The following EXT1 variants were observed in gnomAD, a reference collection of about 807,000 sequenced individuals.
The protein encoded by EXT1 is exostosin glycosyltransferase 1.
In EXT1, 20 loss-of-function variants were observed where a neutral mutation model predicts 82.5. The observed-to-expected ratio is 0.24, with a 90% CI of 0.17 to 0.35. The LOEUF (loss-of-function observed/expected upper bound fraction) is 0.35, where lower values mean the gene tolerates loss of function less well. Ranked by LOEUF, EXT1 falls within the 10% of genes least tolerant of loss-of-function variation. The pLI, the probability that EXT1 is intolerant of heterozygous loss-of-function variation, is 1.00. For missense variants in EXT1, 757 were observed against 936.5 expected (o/e 0.81, Z 2.50); for synonymous variants, 348 against 350.8 (o/e 0.99, Z 0.09).
At chr8:118,024,954 C>G (rs1229709028) in intron 1 of EXT1, among the ~76,000 whole-genome samples, 1 of 152,262 alleles carries the variant, frequency 6.6e-6, no homozygotes, top group East Asian at 1.9e-4. Context: ...TCTTGATATT[C>G]GCATGTCTGT....
At chr8:118,071,239 T>A (rs1249771243) in intron 1 of EXT1, among the ~76,000 whole-genome samples, 1 of 152,168 alleles carries the variant, frequency 6.6e-6, no homozygotes, top group Non-Finnish European at 1.5e-5. Flanking sequence ...GAAGAATAAA[T>A]AATTGTGCCA....
At chr8:118,088,022 TA>T (rs1193172274) in intron 1 of EXT1, among the ~76,000 whole-genome samples, 7 of 148,324 alleles carry the variant, frequency 4.7e-5, no homozygotes, top group African/African-American at 1.7e-4. Context: ...AAGGAGCACA[TA>T]AAGTTAATAC....
At chr8:118,102,944 C>T (rs528678316) in intron 1 of EXT1, among the ~76,000 whole-genome samples, 87 of 152,130 alleles carry the variant, frequency 5.7e-4, no homozygotes, top group South Asian at 2.7e-3. Flanking sequence ...CACCGAAGGT[C>T]GGGAGTTCGA....
chr8:117,879,469 G>A (rs1040224304), intron 1 of EXT1, among the ~76,000 whole-genome samples: 2 of 151,856 alleles, frequency 1.3e-5, no homozygotes, highest in African/African-American at 4.8e-5. Flanking sequence ...CTATAATGTG[G>A]AAGACTACAT....
chr8:117,809,201 ATG>A (rs139812140), intron 8 of EXT1, among the ~76,000 whole-genome samples: 11 of 123,508 alleles, frequency 8.9e-5, no homozygotes, highest in African/African-American at 2.7e-4. Context: ...AGGTATATAT[ATG>A]TGTGTGTGTG....
chr8:118,015,057 A>C (rs1815976632), intron 1 of EXT1, among the ~76,000 whole-genome samples: 1 of 152,224 alleles, frequency 6.6e-6, no homozygotes, highest in Non-Finnish European at 1.5e-5. Context: ...CAGATTTTAC[A>C]TAACTCTTGA....
chr8:117,927,475 A>C (rs1309337010), intron 1 of EXT1, among the ~76,000 whole-genome samples: 2 of 146,746 alleles, frequency 1.4e-5, no homozygotes, highest in Non-Finnish European at 3.0e-5. Context: ...CACTGCATTT[A>C]ACAAACACAT....
At chr8:117,821,150 T>C (rs532082478) in intron 5 of EXT1, among the ~76,000 whole-genome samples, 1 of 152,220 alleles carries the variant, frequency 6.6e-6, no homozygotes, top group African/African-American at 2.4e-5. Flanking sequence ...TTGATACTGA[T>C]GGGATAAAGG....
chr8:117,927,619 C>G (rs1046263304), intron 1 of EXT1, among the ~76,000 whole-genome samples: 1 of 152,106 alleles, frequency 6.6e-6, no homozygotes, highest in African/African-American at 2.4e-5. Flanking sequence ...TTAGTCATAA[C>G]AGCAAAAATA....
chr8:117,898,697 GGATGTA>G (rs992981546), intron 1 of EXT1, among the ~76,000 whole-genome samples: 1 of 152,060 alleles, frequency 6.6e-6, no homozygotes, highest in Non-Finnish European at 1.5e-5. Flanking sequence ...AGGCAGAGCA[GGATGTA>G]AGGAAAAAAA....
At chr8:118,004,017 G>C (rs150549820) in intron 1 of EXT1, among the ~76,000 whole-genome samples, 30 of 152,274 alleles carry the variant, frequency 2.0e-4, no homozygotes, top group Admixed American at 1.2e-3. Flanking sequence ...GAAACAGTTT[G>C]AAGAGATTCT....
intron 1 of EXT1, among the ~76,000 whole-genome samples, chr8:117,905,760 C>T (rs1214287570): frequency 6.6e-6 from 1 of 152,168 alleles, no homozygotes; most frequent in Non-Finnish European, 1.5e-5. Context: ...TGCAGTGAGC[C>T]GAGATCGCGC....
chr8:117,903,914 T>C (rs1470014873), intron 1 of EXT1, among the ~76,000 whole-genome samples: 1 of 152,236 alleles, frequency 6.6e-6, no homozygotes, highest in Admixed American at 6.5e-5. Context: ...TAGATGCACT[T>C]CTCTTGAACT....
At chr8:117,845,872 T>C (rs762132019) in intron 1 of EXT1, among the ~76,000 whole-genome samples, 2 of 152,186 alleles carry the variant, frequency 1.3e-5, no homozygotes, top group African/African-American at 2.4e-5. Flanking sequence ...TCATGGAGAA[T>C]AGGTGCTACT....
chr8:117,983,784 A>C (rs1211292916), intron 1 of EXT1, among the ~76,000 whole-genome samples: 1 of 152,206 alleles, frequency 6.6e-6, no homozygotes, highest in African/African-American at 2.4e-5. Flanking sequence ...GCTAACAATA[A>C]TTTTTAAGCA....
At chr8:117,988,707 A>G (rs1277177656) in intron 1 of EXT1, among the ~76,000 whole-genome samples, 1 of 152,142 alleles carries the variant, frequency 6.6e-6, no homozygotes, top group Non-Finnish European at 1.5e-5. Flanking sequence ...TGCTGCCCCC[A>G]GGGAAGTCTA....
intron 1 of EXT1, among the ~76,000 whole-genome samples, chr8:117,925,539 G>T (rs1029950300): frequency 6.6e-6 from 1 of 151,872 alleles, no homozygotes; most frequent in Non-Finnish European, 1.5e-5. Context: ...ATGACCCCAG[G>T]TTTATGAGAA....
chr8:117,937,987 G>C (rs1393021985), intron 1 of EXT1, among the ~76,000 whole-genome samples: 1 of 152,216 alleles, frequency 6.6e-6, no homozygotes. Flanking sequence ...CGTTTTGAGG[G>C]TATTCACTTC....
chr8:117,844,103 C>A (rs1443610050), intron 1 of EXT1, among the ~76,000 whole-genome samples: 1 of 149,808 alleles, frequency 6.7e-6, no homozygotes, highest in Admixed American at 6.7e-5. Flanking sequence ...CCTTCCTTGG[C>A]CTTTAAAGGT....
Sources: allele counts gnomAD v4.1 joint callset (sites outside exome capture counted in the v4.1 genomes callset), GRCh38; gene constraint gnomAD v4.1.1; transcripts MANE v1.5; gene names NCBI Gene and HGNC (gene_info 2026-07-23, HGNC 2026-07-21).